The following PPP3CB variants were observed in gnomAD, a reference collection of about 807,000 sequenced individuals.
The protein encoded by PPP3CB is protein phosphatase 3 catalytic subunit beta.
PPP3CB carries 8 observed loss-of-function variants against 66.4 expected under a neutral mutation model. That is an observed-to-expected ratio of 0.12 (90% CI 0.07 to 0.22). The LOEUF (loss-of-function observed/expected upper bound fraction) is 0.22. Among genes scored for constraint, PPP3CB ranks in the 10% least tolerant of loss-of-function variants. The pLI is 1.00. For synonymous variants in PPP3CB, 208 were observed against 221.2 expected (o/e 0.94, Z 0.53); for missense variants, 319 against 642.5 (o/e 0.50, Z 5.44).
chr10:73,454,638 C>T, intron 9 of PPP3CB, 149 bp from the exon 10 acceptor site: 1 of 434,464 alleles, frequency 2.3e-6, no homozygotes, highest in Non-Finnish European at 4.1e-6. Context: ...TTTAAAAATG[C>T]AAAGGCTTTC....
At chr10:73,494,448 C>T (rs2057138488) in intron 1 of PPP3CB, among the ~76,000 whole-genome samples, 1 of 151,932 alleles carries the variant, frequency 6.6e-6, no homozygotes, top group South Asian at 2.1e-4. Flanking sequence ...CCACCATGCC[C>T]GGCTAATTTT....
chr10:73,456,009 A>G, intron 9 of PPP3CB, among the ~76,000 whole-genome samples: 1 of 152,268 alleles, frequency 6.6e-6, no homozygotes, highest in Admixed American at 6.5e-5. Flanking sequence ...GGTACTCAAT[A>G]AATATCTAAC....
intron 2 of PPP3CB, 84 bp downstream of exon 2, chr10:73,479,233 T>A: frequency 1.7e-6 from 2 of 1,191,636 alleles, no homozygotes; most frequent in Non-Finnish European, 2.5e-6. Context: ...TAGCATACAG[T>A]ATCATTGAAA....
At chr10:73,463,893 C>T (rs1398609112) in intron 9 of PPP3CB, among the ~76,000 whole-genome samples, 1 of 152,064 alleles carries the variant, frequency 6.6e-6, no homozygotes, top group African/African-American at 2.4e-5. Context: ...CCTCGGCCTC[C>T]CAAAGTGCTG....
intron 12 of PPP3CB, among the ~76,000 whole-genome samples, chr10:73,441,768 A>G (rs571997315): frequency 1.4e-4 from 21 of 152,316 alleles, no homozygotes; most frequent in South Asian, 2.1e-4. Flanking sequence ...CTAGCTCCCA[A>G]TCAAATTTCC....
At chr10:73,446,395 C>CG (rs2056255215) in intron 11 of PPP3CB, 97 bp downstream of exon 11, 2 of 1,154,096 alleles carry the variant, frequency 1.7e-6, no homozygotes, top group Admixed American at 1.7e-5. Context: ...CCACCATACC[C>CG]GGCCCCATTT....
chr10:73,443,430 G>A (rs1038427711), intron 12 of PPP3CB, among the ~76,000 whole-genome samples: 2 of 152,066 alleles, frequency 1.3e-5, no homozygotes, highest in African/African-American at 2.4e-5. Context: ...CATTCAAAAC[G>A]TTAAAATTGC....
At chr10:73,493,514 G>C (rs988021992) in intron 1 of PPP3CB, among the ~76,000 whole-genome samples, 2 of 152,150 alleles carry the variant, frequency 1.3e-5, no homozygotes, top group South Asian at 4.1e-4. Flanking sequence ...CTGAATAAAA[G>C]ACAAGGAAGA....
At chr10:73,472,494 CAAAA>C (rs748895209) in intron 4 of PPP3CB, among the ~76,000 whole-genome samples, 4 of 77,324 alleles carry the variant, frequency 5.2e-5, no homozygotes, top group African/African-American at 4.2e-5. Context: ...GACTCTGTCT[CAAAA>C]AAAAAAAAAA....
At chr10:73,453,641 G>A (rs1362275117) in intron 10 of PPP3CB, among the ~76,000 whole-genome samples, 2 of 151,968 alleles carry the variant, frequency 1.3e-5, no homozygotes, top group Non-Finnish European at 2.9e-5. Context: ...TTTAATACAC[G>A]GAAACATTGA....
At chr10:73,453,614 C>T (rs1176587021) in intron 10 of PPP3CB, among the ~76,000 whole-genome samples, 6 of 151,896 alleles carry the variant, frequency 4.0e-5, no homozygotes, top group Middle Eastern at 3.2e-3. Context: ...TTAAATCTTA[C>T]CAATATACAG....
chr10:73,457,260 GAAAAAAAAAA>G (rs35129439), intron 9 of PPP3CB, among the ~76,000 whole-genome samples: 75 of 69,030 alleles, frequency 1.1e-3, no homozygotes, highest in Non-Finnish European at 2.0e-3. Context: ...CTCTAAAAAA[GAAAAAAAAAA>G]AAAAAAAAAA....
chr10:73,486,177 C>T (rs2056972882), intron 1 of PPP3CB, among the ~76,000 whole-genome samples: 1 of 151,734 alleles, frequency 6.6e-6, no homozygotes, highest in South Asian at 2.1e-4. Context: ...AACCCTTAAC[C>T]TCGTGATCCG....
intron 10 of PPP3CB, among the ~76,000 whole-genome samples, chr10:73,446,884 C>T (rs1035955376): frequency 5.9e-5 from 9 of 152,210 alleles, no homozygotes; most frequent in African/African-American, 1.9e-4. Context: ...TTGAGCCCAA[C>T]TTGCATTACA....
chr10:73,475,915 G>A (rs2056777291), intron 3 of PPP3CB, among the ~76,000 whole-genome samples: 1 of 152,162 alleles, frequency 6.6e-6, no homozygotes, highest in African/African-American at 2.4e-5. Context: ...GGAGTGCAAT[G>A]GCACAATTAC....
intron 9 of PPP3CB, among the ~76,000 whole-genome samples, chr10:73,454,913 C>T (rs1037475200): frequency 6.6e-6 from 1 of 151,320 alleles, no homozygotes; most frequent in African/African-American, 2.4e-5. Flanking sequence ...TGCTCTGTTG[C>T]CCAGGCTGCA....
At chr10:73,494,897 C>G (rs974103236) in intron 1 of PPP3CB, among the ~76,000 whole-genome samples, 2 of 152,168 alleles carry the variant, frequency 1.3e-5, no homozygotes, top group Non-Finnish European at 2.9e-5. Flanking sequence ...TTTTTCACCT[C>G]CACAGCAGTG....
At chr10:73,485,980 C>G (rs2056969543) in intron 1 of PPP3CB, among the ~76,000 whole-genome samples, 1 of 146,836 alleles carries the variant, frequency 6.8e-6, no homozygotes, top group Non-Finnish European at 1.5e-5. Context: ...CAGTCTTGCT[C>G]TGTTGCCCAG....
chr10:73,495,736 G>A lies in PPP3CB; in HGVS notation c.85+69C>T, dbSNP rs1289891441. The stretch of plus-strand genomic sequence containing the variant: ...TTCCGGGCCCACTCCCGAGGGGACG[G>A]TCTCCCGCCCGCCCTCACACACAGC... On this transcript the variant is annotated intron_variant, in intron 1 of 13. Transcript: ENST00000360663. 5 of 1,521,748 alleles carry A rather than the reference G, an allele frequency of 3.3e-6. No homozygotes were observed. In the African/African-American group the frequency reaches 5.8e-5, roughly 18 times the overall value. The allele number at this position is 1,521,748 out of a possible 1,614,324, so 94.3% of individuals were successfully genotyped here.
Sources: allele counts gnomAD v4.1 joint callset (sites outside exome capture counted in the v4.1 genomes callset), GRCh38; gene constraint gnomAD v4.1.1; transcripts MANE v1.5; gene names NCBI Gene and HGNC (gene_info 2026-07-23, HGNC 2026-07-21).